Variants in PLXNA4 observed in about 807,000 individuals in gnomAD.
PLXNA4 encodes the protein plexin-A4.
In PLXNA4, 44 loss-of-function variants were observed where a neutral mutation model predicts 191.8. That is an observed-to-expected ratio of 0.23 (90% CI 0.18 to 0.29). The LOEUF (loss-of-function observed/expected upper bound fraction) is 0.29. Ranked by LOEUF, PLXNA4 falls within the 10% of genes least tolerant of loss-of-function variation. The probability of loss-of-function intolerance (pLI) is 1.00; values close to 1 mark genes in which losing one functional copy is unlikely to be tolerated. For synonymous variants in PLXNA4, 1,082 were observed against 1,009.5 expected (o/e 1.07, Z -1.36); for missense variants, 1,800 against 2,488.8 (o/e 0.72, Z 5.89).
intron 3 of PLXNA4, among the ~76,000 whole-genome samples, chr7:132,442,850 G>C (rs1563101262): frequency 6.6e-6 from 1 of 152,198 alleles, no homozygotes; most frequent in Non-Finnish European, 1.5e-5. Context: ...AGACTTAAAG[G>C]GATCAGTTTT....
chr7:132,444,976 C>A (rs1339107901), intron 3 of PLXNA4, among the ~76,000 whole-genome samples: 1 of 151,050 alleles, frequency 6.6e-6, no homozygotes, highest in Non-Finnish European at 1.5e-5. Context: ...ATGGTGAAAC[C>A]CTGTCTCTAC....
At chr7:132,519,548 G>C (rs973474114) in intron 1 of PLXNA4, among the ~76,000 whole-genome samples, 1 of 152,196 alleles carries the variant, frequency 6.6e-6, no homozygotes, top group Non-Finnish European at 1.5e-5. Flanking sequence ...GGCTTGTCCA[G>C]CTGACATTTT....
chr7:132,188,151 G>A (rs1366129337), intron 14 of PLXNA4, among the ~76,000 whole-genome samples: 4 of 152,246 alleles, frequency 2.6e-5, no homozygotes, highest in Non-Finnish European at 1.5e-5. Flanking sequence ...AGCACCCAGT[G>A]GCAGAGCAAT....
At chr7:132,579,280 T>C (rs1253544032), upstream of PLXNA4, among the ~76,000 whole-genome samples, 3 of 152,196 alleles carry the variant, frequency 2.0e-5, no homozygotes, top group Admixed American at 1.3e-4. Flanking sequence ...AAACTTCTGT[T>C]GGCCACTCAG....
At chr7:132,306,391 C>T (rs1252137695) in intron 3 of PLXNA4, among the ~76,000 whole-genome samples, 8 of 152,190 alleles carry the variant, frequency 5.3e-5, no homozygotes, top group Non-Finnish European at 8.8e-5. Flanking sequence ...CTGAGTCTCT[C>T]TCCTGGCTCT....
intron 3 of PLXNA4, among the ~76,000 whole-genome samples, chr7:132,394,738 A>G (rs961544708): frequency 1.3e-5 from 2 of 152,204 alleles, no homozygotes; most frequent in Non-Finnish European, 2.9e-5. Context: ...ATCTATGAAG[A>G]ACCTTTCCCC....
rs191695191 is a variant in PLXNA4 at position 132,170,391 on chromosome 7, C to T, written c.4018-1819G>A. On this transcript the variant is annotated intron_variant, in intron 21 of 31. Coordinates refer to ENST00000321063, the MANE Select transcript of PLXNA4 (RefSeq NM_020911.2). ...ACTTGGCACTTCTTTCTGCCATCTC[C>T]AGGGACCATGATGTAAACTGAAAGG... Among the ~76,000 whole-genome samples the T allele has an allele frequency of 7.4e-4, 112 of 152,256 alleles. 1 individual carries two copies. Among genetic ancestry groups the T allele is most frequent in the Admixed American group, 1.2e-3 (19 of 15,294 alleles).
Position 132,241,076 on chromosome 7 carries a change from G to A in PLXNA4, c.1594C>T (p.Leu532=). 6.2e-7 allele frequency: 1 copy of A among 1,612,032 alleles called. No individual in the cohort carries two copies. Among genetic ancestry groups the A allele is most frequent in the Non-Finnish European group, 8.5e-7 (1 of 1,178,596 alleles). ...CCCCATGGTACTCACGTGTTGTGCA[G>A]CACACACCAGCCACAGTGGGGGTCG... ...SGDPHCGWCV[L]HNTCTRKERC... The change falls in exon 5 of 32, where the codon CTG becomes TTG. Residue 532 remains leucine, a synonymous_variant. Coordinates refer to ENST00000321063, the MANE Select transcript of PLXNA4 (RefSeq NM_020911.2).
At chr7:132,184,157 C>A (rs12536984) in intron 16 of PLXNA4, among the ~76,000 whole-genome samples, 17,135 of 152,202 alleles carry the variant, frequency 0.11, 1,263 homozygotes, top group South Asian at 0.34. Context: ...CCTGCTCACT[C>A]CCCCAGCCCC....
intron 5 of PLXNA4, among the ~76,000 whole-genome samples, chr7:132,239,100 G>A (rs17805272): frequency 0.038 from 5,858 of 152,252 alleles, 176 homozygotes; most frequent in Non-Finnish European, 0.059. Flanking sequence ...TGGCTTCCCC[G>A]TGCAGGCTGA....
intron 4 of PLXNA4, among the ~76,000 whole-genome samples, chr7:132,286,090 AG>A (rs1800672796): frequency 1.3e-5 from 2 of 152,150 alleles, no homozygotes; most frequent in African/African-American, 4.8e-5. Context: ...TCCATGAGAA[AG>A]TTGGGTTTCT....
intron 3 of PLXNA4, among the ~76,000 whole-genome samples, chr7:132,471,069 C>T (rs1300565946): frequency 6.6e-6 from 1 of 152,090 alleles, no homozygotes; most frequent in African/African-American, 2.4e-5. Context: ...TAGTACCATC[C>T]GCTTGGTGCG....
chr7:132,149,511 C>T (rs1324376636), intron 25 of PLXNA4, among the ~76,000 whole-genome samples: 1 of 152,218 alleles, frequency 6.6e-6, no homozygotes, highest in East Asian at 1.9e-4. Flanking sequence ...CACATAAACT[C>T]ATGCAGCACA....
chr7:132,198,723 G>A, intron 12 of PLXNA4, 87 bp from the exon 13 acceptor site: 3 of 1,549,778 alleles, frequency 1.9e-6, no homozygotes, highest in Non-Finnish European at 2.6e-6. Context: ...GCTGGCTCTT[G>A]TCTCATCTGC....
intron 16 of PLXNA4, among the ~76,000 whole-genome samples, chr7:132,183,198 T>C (rs1277774343): frequency 6.6e-6 from 1 of 152,286 alleles, no homozygotes; most frequent in East Asian, 1.9e-4. Flanking sequence ...CTCTCCTTGC[T>C]CACATGCGCG....
chr7:132,549,828 A>T (rs1048444383), intron 1 of PLXNA4, among the ~76,000 whole-genome samples: 88 of 152,284 alleles, frequency 5.8e-4, no homozygotes, highest in African/African-American at 2.0e-3. Flanking sequence ...TTTTTTCTTA[A>T]AATGACTTTA....
chr7:132,576,576 G>A (rs1301331203), upstream of PLXNA4: 8 of 986,052 alleles, frequency 8.1e-6, no homozygotes, highest in Non-Finnish European at 9.6e-6. This position sits in a 1 kb window ranked among gnomAD's most constrained non-coding sequence, Gnocchi z 5.8. Flanking sequence ...ATACTCCACC[G>A]AGGCACAGGG....
chr7:132,287,063 C>T (rs78185336), intron 4 of PLXNA4, among the ~76,000 whole-genome samples: 2,309 of 152,302 alleles, frequency 0.015, 49 homozygotes, highest in African/African-American at 0.052. Context: ...GACATAGAGT[C>T]TCACTCTGTC....
intron 4 of PLXNA4, among the ~76,000 whole-genome samples, chr7:132,267,926 G>A (rs145667244): frequency 3.3e-5 from 5 of 152,288 alleles, no homozygotes; most frequent in East Asian, 1.9e-4. Flanking sequence ...TCTAATGCAC[G>A]CACTGCCACC....
Sources: allele counts gnomAD v4.1 joint callset (sites outside exome capture counted in the v4.1 genomes callset), GRCh38; gene constraint gnomAD v4.1.1; non-coding constraint Gnocchi (gnomAD v3.1); transcripts MANE v1.5; gene names NCBI Gene and HGNC (gene_info 2026-07-23, HGNC 2026-07-21).